Variants in SGCZ observed in about 807,000 individuals in gnomAD.
SGCZ encodes the protein zeta-sarcoglycan.
A neutral mutation model predicts 41.3 loss-of-function variants in SGCZ; 40 were observed. That is an observed-to-expected ratio of 0.97 (90% CI 0.75 to 1.26). The LOEUF (loss-of-function observed/expected upper bound fraction) is 1.26, where lower values mean the gene tolerates loss of function less well. Among genes scored for constraint, SGCZ ranks in the 50% most tolerant of loss-of-function variants. SGCZ has a pLI of 0.00. For synonymous variants in SGCZ, 206 were observed against 137.5 expected (o/e 1.50, Z -3.49); for missense variants, 552 against 369.8 (o/e 1.49, Z -4.04).
chr8:14,089,199 A>G lies in SGCZ; in HGVS notation c.*1244T>C, dbSNP rs929817722. Among the ~76,000 whole-genome samples, 1 of 151,980 alleles carries G rather than the reference A, an allele frequency of 6.6e-6. No homozygotes were observed. The highest frequency in any genetic ancestry group is 2.4e-5 in the African/African-American group (1 of 41,440). ...GAACTATAATTTTTGAGGTCAGGGT[A>G]GCCTAACAACGATCTAATAAAAGTA... On this transcript the variant is annotated 3_prime_UTR_variant, in exon 8 of 8. Transcript: ENST00000382080.
chr8:14,097,985 G>A (rs1433203575), intron 7 of SGCZ, among the ~76,000 whole-genome samples: 2 of 152,018 alleles, frequency 1.3e-5, no homozygotes, highest in Admixed American at 1.3e-4. Flanking sequence ...ACTTAAAGTG[G>A]TATTTTATAG....
intron 1 of SGCZ, among the ~76,000 whole-genome samples, chr8:15,219,623 C>A (rs1801524622): frequency 6.6e-6 from 1 of 152,118 alleles, no homozygotes; most frequent in African/African-American, 2.4e-5. Flanking sequence ...CAGAAGTGGT[C>A]TTTGGATACT....
intron 5 of SGCZ, among the ~76,000 whole-genome samples, chr8:14,123,987 A>G (rs1272070692): frequency 2.0e-5 from 3 of 152,234 alleles, no homozygotes; most frequent in Admixed American, 2.0e-4. Context: ...AAGATAGAGG[A>G]AGGGCCAAGA....
At chr8:14,201,920 G>T (rs538205497) in intron 4 of SGCZ, among the ~76,000 whole-genome samples, 1 of 152,070 alleles carries the variant, frequency 6.6e-6, no homozygotes. Context: ...TACTATCTTT[G>T]TAACTTTTTA....
intron 1 of SGCZ, among the ~76,000 whole-genome samples, chr8:14,739,312 CA>C (rs1405828516): frequency 2.0e-5 from 3 of 151,586 alleles, no homozygotes; most frequent in Non-Finnish European, 4.4e-5. Flanking sequence ...GTATGCCATC[CA>C]ATGTTTCATT....
chr8:14,246,081 G>A (rs983782792), intron 3 of SGCZ, among the ~76,000 whole-genome samples: 7 of 152,142 alleles, frequency 4.6e-5, no homozygotes, highest in Non-Finnish European at 8.8e-5. Context: ...ATTTGACCCA[G>A]CCATCACATT....
chr8:14,846,703 C>CAAAAAAAAAA (rs56796907), intron 1 of SGCZ, among the ~76,000 whole-genome samples: 1 of 19,358 alleles, frequency 5.2e-5, no homozygotes, highest in Non-Finnish European at 1.1e-4. Flanking sequence ...CCTTTAAATC[C>CAAAAAAAAAA]AAAAAAAAAA....
intron 5 of SGCZ, chr8:14,161,186 G>C (rs1182097840): frequency 6.6e-6 from 1 of 152,156 alleles, no homozygotes; most frequent in Admixed American, 6.6e-5. Context: ...GAGGTTACTA[G>C]TCAATCTTAA....
intron 1 of SGCZ, among the ~76,000 whole-genome samples, chr8:15,174,518 G>A (rs1171634733): frequency 6.6e-6 from 1 of 152,170 alleles, no homozygotes; most frequent in Non-Finnish European, 1.5e-5. Context: ...TATACTTTAT[G>A]TAATATAAAT....
chr8:15,095,809 T>G (rs1234302812), intron 1 of SGCZ, among the ~76,000 whole-genome samples: 1 of 152,134 alleles, frequency 6.6e-6, no homozygotes, highest in African/African-American at 2.4e-5. Flanking sequence ...TCAAACAAAA[T>G]GCATCTTTAT....
intron 3 of SGCZ, among the ~76,000 whole-genome samples, chr8:14,285,822 G>A (rs181956944): frequency 1.1e-4 from 16 of 152,152 alleles, no homozygotes; most frequent in Admixed American, 3.9e-4. Flanking sequence ...AGTGGAGAGA[G>A]GCTTATACTG....
chr8:14,286,151 A>G (rs1026365872), intron 3 of SGCZ, among the ~76,000 whole-genome samples: 5 of 151,850 alleles, frequency 3.3e-5, no homozygotes, highest in East Asian at 1.9e-4. Context: ...TTAGTTTTCT[A>G]TAATGAATCC....
chr8:14,234,578 CCTAA>C (rs752718235), intron 4 of SGCZ, among the ~76,000 whole-genome samples: 17 of 151,844 alleles, frequency 1.1e-4, no homozygotes, highest in Non-Finnish European at 2.2e-4. Flanking sequence ...AATTCTTTTC[CCTAA>C]CTATTCAGTT....
chr8:15,066,334 A>G (rs1805147283), intron 1 of SGCZ, among the ~76,000 whole-genome samples: 1 of 145,914 alleles, frequency 6.9e-6, no homozygotes, highest in Admixed American at 6.9e-5. Context: ...AAAAAAAAAA[A>G]GAAGTCCACC....
chr8:14,933,972 C>G (rs934579551), intron 1 of SGCZ, among the ~76,000 whole-genome samples: 3 of 151,786 alleles, frequency 2.0e-5, no homozygotes, highest in African/African-American at 7.3e-5. Context: ...AAGAAAAATT[C>G]CAAAAATTCA....
At chr8:14,880,991 G>A (rs920165536) in intron 1 of SGCZ, among the ~76,000 whole-genome samples, 12 of 151,844 alleles carry the variant, frequency 7.9e-5, no homozygotes, top group Admixed American at 6.6e-4. Flanking sequence ...AACTTAGTAA[G>A]AGCCCAAAAT....
At chr8:14,485,882 C>T (rs1016798435) in intron 2 of SGCZ, among the ~76,000 whole-genome samples, 33 of 138,850 alleles carry the variant, frequency 2.4e-4, no homozygotes, top group African/African-American at 8.3e-4. Context: ...TCGCCCAGGC[C>T]GGACTGCGGA....
intron 2 of SGCZ, among the ~76,000 whole-genome samples, chr8:14,444,081 T>A (rs972382926): frequency 4.6e-5 from 7 of 152,150 alleles, no homozygotes; most frequent in African/African-American, 1.4e-4. Context: ...TCACTGGCCA[T>A]CAGAGAAATG....
Position 14,243,217 on chromosome 8 carries a change from T to C in SGCZ, c.337-5538A>G, listed in dbSNP as rs139413199. ...TGTAGATGATGTGAATTTGGTATTT[T>C]GTTACCGAAGTTTGTATAGTTTACA... is the stretch of plus-strand genomic sequence containing the variant. On this transcript the variant is annotated intron_variant, in intron 3 of 7. Transcript: ENST00000382080. 5.2e-4 allele frequency among the ~76,000 whole-genome samples: 79 copies of C among 152,200 alleles called. 1 individual carries two copies. Among genetic ancestry groups the C allele is most frequent in the Non-Finnish European group, 8.8e-4 (60 of 67,998 alleles).
Sources: allele counts gnomAD v4.1 joint callset (sites outside exome capture counted in the v4.1 genomes callset), GRCh38; gene constraint gnomAD v4.1.1; transcripts MANE v1.5; gene names NCBI Gene and HGNC (gene_info 2026-07-23, HGNC 2026-07-21).